MARCHF11: variants seen among roughly 807,000 people sequenced by gnomAD.
MARCHF11 encodes membrane associated ring-CH-type finger 11.
A neutral mutation model predicts 37.3 loss-of-function variants in MARCHF11; 29 were observed. That is an observed-to-expected ratio of 0.78 (90% CI 0.58 to 1.06). The LOEUF (loss-of-function observed/expected upper bound fraction) is 1.06. Among genes scored for constraint, MARCHF11 ranks in the 50% least tolerant of loss-of-function variants. The pLI, the probability that MARCHF11 is intolerant of heterozygous loss-of-function variation, is 0.00. For missense variants in MARCHF11, 482 were observed against 533.4 expected, an observed-to-expected ratio of 0.90 and a Z score of 0.95; for synonymous variants, 233 against 228.0, an observed-to-expected ratio of 1.02 and a Z score of -0.20.
intron 2 of MARCHF11, among the ~76,000 whole-genome samples, chr5:16,137,539 T>C (rs1472482297): frequency 3.9e-5 from 6 of 152,160 alleles, no homozygotes; most frequent in Admixed American, 2.0e-4. Context: ...AATACAGATA[T>C]TGGTACTGGT....
chr5:16,098,357 GA>G (rs560941846), intron 2 of MARCHF11, among the ~76,000 whole-genome samples: 75 of 152,258 alleles, frequency 4.9e-4, no homozygotes, highest in African/African-American at 1.7e-3. Context: ...GATGATGAAG[GA>G]AAAACTTTAA....
At chr5:16,136,897 G>C (rs1014876046) in intron 2 of MARCHF11, among the ~76,000 whole-genome samples, 1 of 152,020 alleles carries the variant, frequency 6.6e-6, no homozygotes, top group Non-Finnish European at 1.5e-5. Flanking sequence ...AGCAGCTAAA[G>C]AAACATAATG....
chr5:16,074,207 AT>A (rs1194770645), intron 3 of MARCHF11, among the ~76,000 whole-genome samples: 6 of 152,352 alleles, frequency 3.9e-5, no homozygotes, highest in African/African-American at 1.4e-4. Context: ...GAACTGAACG[AT>A]AATATTGACA....
At chr5:16,105,769 T>C (rs1737029241) in intron 2 of MARCHF11, among the ~76,000 whole-genome samples, 1 of 152,164 alleles carries the variant, frequency 6.6e-6, no homozygotes, top group African/African-American at 2.4e-5. Context: ...TCTCAATCTC[T>C]GGCTTCCTGT....
chr5:16,152,228 T>TC (rs1737901314), intron 2 of MARCHF11, among the ~76,000 whole-genome samples: 2 of 151,986 alleles, frequency 1.3e-5, no homozygotes, highest in African/African-American at 4.8e-5. Context: ...ATGGGTATGA[T>TC]ATAAACCAGA....
intron 2 of MARCHF11, among the ~76,000 whole-genome samples, chr5:16,110,931 T>C (rs1238665439): frequency 6.6e-6 from 1 of 152,128 alleles, no homozygotes; most frequent in Non-Finnish European, 1.5e-5. Flanking sequence ...CCCCATACTG[T>C]TCTTGTGGTA....
chr5:16,178,948 G>A (rs917979917), intron 1 of MARCHF11, 91 bp downstream of exon 1: 89 of 1,322,026 alleles, frequency 6.7e-5, no homozygotes, highest in Non-Finnish European at 8.4e-5. Context: ...GGCAAACTGG[G>A]AGGTAGGCGT....
intron 2 of MARCHF11, among the ~76,000 whole-genome samples, chr5:16,130,091 C>A (rs1239727489): frequency 1.3e-5 from 2 of 152,100 alleles, no homozygotes; most frequent in Non-Finnish European, 2.9e-5. Flanking sequence ...TTTATTGCCA[C>A]TAACCTTCTG....
chr5:16,125,662 TGTGTGTG>T (rs1737393862), intron 2 of MARCHF11, among the ~76,000 whole-genome samples: 1 of 146,206 alleles, frequency 6.8e-6, no homozygotes, highest in African/African-American at 2.6e-5. Context: ...TGTGTGTGTG[TGTGTGTG>T]TTCATATTGA....
Position 16,179,623 on chromosome 5 carries a change from T to C in MARCHF11, c.-48A>G. 1 of 1,067,516 alleles carries C rather than the reference T, an allele frequency of 9.4e-7. No homozygotes were observed. The highest frequency in any genetic ancestry group is 1.1e-6 in the Non-Finnish European group (1 of 884,564). 66.1% of individuals were successfully genotyped at this position (1,067,516 alleles called of 1,614,324 possible). A position where few individuals can be genotyped will look rare whatever the true frequency, so the allele number is the denominator to read the frequency against. ...TGCCGGCCCGGCTGGCGGGCCGGGCTCTGGCTGCAGGGAAAGAGAGCGCGG... is the reference window on the plus strand; with the variant it reads ...TGCCGGCCCGGCTGGCGGGCCGGGCCCTGGCTGCAGGGAAAGAGAGCGCGG... On this transcript the variant is annotated 5_prime_UTR_variant, in exon 1 of 4. Coordinates refer to ENST00000332432, the MANE Select transcript of MARCHF11 (RefSeq NM_001102562.3).
chr5:16,156,380 T>C (rs1287559337), intron 2 of MARCHF11, among the ~76,000 whole-genome samples: 2 of 151,976 alleles, frequency 1.3e-5, no homozygotes, highest in Admixed American at 6.6e-5. Flanking sequence ...GTTAGCACCT[T>C]ATTTTAAGTT....
chr5:16,088,928 A>G (rs1011855753), intron 3 of MARCHF11, among the ~76,000 whole-genome samples: 10 of 152,204 alleles, frequency 6.6e-5, no homozygotes, highest in Admixed American at 4.6e-4. Flanking sequence ...AAATGGGCAA[A>G]TGCTCAAATT....
intron 2 of MARCHF11, among the ~76,000 whole-genome samples, chr5:16,157,957 A>T (rs1473601686): frequency 1.3e-5 from 2 of 151,964 alleles, no homozygotes; most frequent in Non-Finnish European, 2.9e-5. Flanking sequence ...AATATCCAAA[A>T]CATATAAGGC....
rs538760793 is a variant in MARCHF11, at chr5:16,090,948, T to G, written c.827A>C (p.Lys276Thr). The change falls in exon 3 of 4, where the codon AAG becomes ACG. Residue 276 changes from lysine to threonine, a missense_variant. By Grantham distance (78) the Lys-to-Thr change is moderately conservative. Coordinates refer to ENST00000332432, the MANE Select transcript of MARCHF11 (RefSeq NM_001102562.3). ...AFSPYAVWQR[K>T]DILFQICYGM... ...ATAGCAGATCTGAAAAAGGATGTCC[T>G]TCCTCTGCCACACTGCATAGGGGCT... The G allele has an allele frequency of 2.4e-4, 386 of 1,611,680 alleles. 1 individual carries two copies. In the South Asian group the frequency reaches 3.7e-3, roughly 16 times the overall value.
chr5:16,114,485 C>T (rs1391987168), intron 2 of MARCHF11, among the ~76,000 whole-genome samples: 1 of 152,116 alleles, frequency 6.6e-6, no homozygotes, highest in Non-Finnish European at 1.5e-5. Context: ...CCAACATGTC[C>T]TAAATGTTTT....
chr5:16,069,054 G>A (rs1271162358), intron 3 of MARCHF11, among the ~76,000 whole-genome samples: 3 of 152,158 alleles, frequency 2.0e-5, no homozygotes, highest in Non-Finnish European at 4.4e-5. Flanking sequence ...CTAATTGCCT[G>A]TATTTGAAGG....
chr5:16,093,626 TGAAG>T (rs1433671580), intron 2 of MARCHF11, among the ~76,000 whole-genome samples: 1 of 152,116 alleles, frequency 6.6e-6, no homozygotes, highest in African/African-American at 2.4e-5. Flanking sequence ...GGTGAATGAA[TGAAG>T]GGAGAGGCTC....
chr5:16,087,685 G>A (rs1195536951), intron 3 of MARCHF11, among the ~76,000 whole-genome samples: 2 of 152,098 alleles, frequency 1.3e-5, no homozygotes, highest in Non-Finnish European at 2.9e-5. Flanking sequence ...TATGATAGCG[G>A]CTAGACCCTT....
chr5:16,072,510 CTGTGTGTGTGTGTG>C (rs34699021), intron 3 of MARCHF11, among the ~76,000 whole-genome samples: 123 of 146,716 alleles, frequency 8.4e-4, no homozygotes, highest in Non-Finnish European at 9.6e-4. Context: ...CTCTCTCACT[CTGTGTGTGTGTGTG>C]TGTGTGTGTG....
Sources: allele counts gnomAD v4.1 joint callset (sites outside exome capture counted in the v4.1 genomes callset), GRCh38; gene constraint gnomAD v4.1.1; transcripts MANE v1.5; gene names NCBI Gene and HGNC (gene_info 2026-07-23, HGNC 2026-07-21).